Variants in SPATA13 observed in about 807,000 individuals in gnomAD.
SPATA13 encodes the protein spermatogenesis associated 13.
SPATA13 carries 50 observed loss-of-function variants against 104.0 expected under a neutral mutation model. The observed-to-expected ratio is 0.48, with a 90% CI of 0.38 to 0.61. SPATA13 has a LOEUF of 0.61. SPATA13 is among the 20% of genes least tolerant of loss of function. SPATA13 has a pLI of 0.00. For missense variants in SPATA13, 1,524 were observed against 1,690.6 expected, an observed-to-expected ratio of 0.90 and a Z score of 1.73; for synonymous variants, 606 against 667.5, an observed-to-expected ratio of 0.91 and a Z score of 1.42.
chr13:24,037,783 G>A (rs1877757038), intron 3 of SPATA13, among the ~76,000 whole-genome samples: 1 of 151,942 alleles, frequency 6.6e-6, no homozygotes, highest in Non-Finnish European at 1.5e-5. Context: ...TGGGGTTCGT[G>A]GATTAGCTTA....
Position 24,205,658 on chromosome 13 carries a change from G to A in SPATA13, c.-111-17161G>A, listed in dbSNP as rs1196062622. 1.3e-5 allele frequency among the ~76,000 whole-genome samples: 2 copies of A among 152,248 alleles called. No homozygotes were observed. The highest frequency in any genetic ancestry group is 3.9e-4 in the East Asian group (2 of 5,188). On this transcript the variant is annotated intron_variant, in intron 1 of 12. Coordinates refer to ENST00000382108, the MANE Select transcript of SPATA13 (RefSeq NM_001166271.3). The surrounding 1 kb of genome is among the most constrained non-coding windows in gnomAD (Gnocchi z 4.1). ...CTAAGCAAAAAGAAGAAAGCTGGAG[G>A]CATCACTTTACCCAACTTCAAACTA...
At chr13:24,274,581 A>G (rs1566185064) in intron 4 of SPATA13, among the ~76,000 whole-genome samples, 1 of 152,190 alleles carries the variant, frequency 6.6e-6, no homozygotes, top group Non-Finnish European at 1.5e-5. Context: ...GGGTTCACCC[A>G]TAGTTTCAGC....
intron 3 of SPATA13, among the ~76,000 whole-genome samples, chr13:24,083,935 T>A (rs1879631350): frequency 6.6e-6 from 1 of 152,230 alleles, no homozygotes; most frequent in Non-Finnish European, 1.5e-5. Context: ...CAATGAAGCA[T>A]CTCATGAATT....
chr13:24,084,881 A>G (rs777109996), intron 3 of SPATA13, among the ~76,000 whole-genome samples: 16 of 152,142 alleles, frequency 1.1e-4, no homozygotes, highest in Non-Finnish European at 1.9e-4. Context: ...AACTATGTAT[A>G]TATATTTATA....
intron 3 of SPATA13, among the ~76,000 whole-genome samples, chr13:24,048,440 T>G (rs919867682): frequency 8.3e-6 from 1 of 120,220 alleles, no homozygotes; most frequent in Non-Finnish European, 1.7e-5. Flanking sequence ...ATATTTTCAT[T>G]TAATAATTTA....
At chr13:24,210,949 T>A (rs559822317) in intron 1 of SPATA13, among the ~76,000 whole-genome samples, 1 of 152,280 alleles carries the variant, frequency 6.6e-6, no homozygotes, top group East Asian at 1.9e-4. Context: ...AGTGTACAGA[T>A]CTTTCACCTC....
At chr13:24,252,523 G>A (rs918157462) in intron 4 of SPATA13, among the ~76,000 whole-genome samples, 1 of 152,156 alleles carries the variant, frequency 6.6e-6, no homozygotes, top group African/African-American at 2.4e-5. Context: ...GTAACAATAT[G>A]CAACGTGTAC....
At chr13:24,116,781 C>T (rs914526832) in intron 3 of SPATA13, among the ~76,000 whole-genome samples, 1 of 145,860 alleles carries the variant, frequency 6.9e-6, no homozygotes, top group African/African-American at 2.6e-5. Flanking sequence ...CCCCCCCCCC[C>T]AATGTGCTGA....
chr13:24,237,972 G>T (rs1350888616), intron 2 of SPATA13, among the ~76,000 whole-genome samples: 1 of 144,574 alleles, frequency 6.9e-6, no homozygotes, highest in East Asian at 2.0e-4. Flanking sequence ...GTTTAAATAT[G>T]CAATATATAA....
At chr13:24,251,076 G>A (rs188794461) in intron 3 of SPATA13, among the ~76,000 whole-genome samples, 1 of 152,206 alleles carries the variant, frequency 6.6e-6, no homozygotes, top group Non-Finnish European at 1.5e-5. Flanking sequence ...TTGATTAATA[G>A]TTTTAGGGAT....
intron 3 of SPATA13, chr13:24,122,250 G>T: frequency 7.6e-7 from 1 of 1,316,310 alleles, no homozygotes; most frequent in Non-Finnish European, 1.1e-6. Flanking sequence ...GTCAGAGCCT[G>T]ATACCACACA....
rs116214609 is a variant in SPATA13 at position 24,051,478 on chromosome 13, C to T, written c.-112+33777C>T. On this transcript the variant is annotated intron_variant, in intron 3 of 14. Coordinates refer to the SPATA13 transcript ENST00000424834. The surrounding 1 kb of genome is among the most constrained non-coding windows in gnomAD (Gnocchi z 4.2). ...TCACACATCCTTGCACCTGCCTGGGCGATGGCACTTGGGACATACTCATGC... is the reference window on the plus strand; with the variant it reads ...TCACACATCCTTGCACCTGCCTGGGTGATGGCACTTGGGACATACTCATGC... Among the ~76,000 whole-genome samples, 1,438 of 152,282 alleles carry T rather than the reference C, an allele frequency of 9.4e-3. 27 individuals carry two copies. Among genetic ancestry groups the T allele is most frequent in the African/African-American group, 0.031 (1,292 of 41,562 alleles).
intron 1 of SPATA13, among the ~76,000 whole-genome samples, chr13:24,189,816 T>TA (rs1869463407): frequency 1.7e-5 from 1 of 59,418 alleles, no homozygotes; most frequent in Non-Finnish European, 3.0e-5. Flanking sequence ...TATAATATAT[T>TA]ATAAATATAT....
chr13:24,085,150 T>C (rs1879676377), intron 3 of SPATA13, among the ~76,000 whole-genome samples: 3 of 152,106 alleles, frequency 2.0e-5, no homozygotes, highest in Admixed American at 2.0e-4. Context: ...TGAGACAGAT[T>C]CTTGCTCTGT....
intron 3 of SPATA13, among the ~76,000 whole-genome samples, chr13:24,082,677 G>A (rs867984514): frequency 1.2e-4 from 18 of 150,610 alleles, no homozygotes; most frequent in African/African-American, 2.7e-4. Flanking sequence ...AAAATTAGCC[G>A]GGCGCGGTGG....
chr13:24,105,943 T>C (rs1242359532), intron 3 of SPATA13, among the ~76,000 whole-genome samples: 1 of 152,244 alleles, frequency 6.6e-6, no homozygotes, highest in African/African-American at 2.4e-5. Context: ...CCAAGCCTGC[T>C]GACACCTTAA....
intron 3 of SPATA13, among the ~76,000 whole-genome samples, chr13:24,149,919 G>A (rs1882047370): frequency 6.6e-6 from 1 of 152,102 alleles, no homozygotes; most frequent in African/African-American, 2.4e-5. Flanking sequence ...ACACAGAGAT[G>A]GGAAGGCCTG....
chr13:24,183,236 A>G (rs1868924019), intron 1 of SPATA13, among the ~76,000 whole-genome samples: 1 of 152,240 alleles, frequency 6.6e-6, no homozygotes, highest in South Asian at 2.1e-4. Context: ...ATATAAAAAC[A>G]TATATGAAAC....
chr13:24,087,258 C>A (rs192509412), intron 3 of SPATA13, among the ~76,000 whole-genome samples: 2 of 152,306 alleles, frequency 1.3e-5, no homozygotes, highest in Admixed American at 1.3e-4. Flanking sequence ...CTGGGACCTC[C>A]CCAGTCTTGC....
Sources: gnomAD v4.1 joint callset for allele counts (sites outside exome capture counted in the v4.1 genomes callset) on GRCh38, gnomAD v4.1.1 for gene constraint, Gnocchi (gnomAD v3.1) non-coding constraint, MANE v1.5 for transcripts, NCBI Gene and HGNC (gene_info 2026-07-23, HGNC 2026-07-21) for gene names.